The following TBC1D12 variants were observed in gnomAD, a reference collection of about 807,000 sequenced individuals.
TBC1D12 encodes TBC1 domain family member 12.
Under a neutral mutation model 86.7 loss-of-function variants are expected in TBC1D12, and 56 were observed. The observed-to-expected ratio is 0.65, with a 90% CI of 0.52 to 0.81. The LOEUF (loss-of-function observed/expected upper bound fraction) is 0.81, where lower values mean the gene tolerates loss of function less well. TBC1D12 is among the 30% of genes least tolerant of loss of function. TBC1D12 has a pLI of 0.00. For missense variants in TBC1D12, 1,023 were observed against 1,038.8 expected, an observed-to-expected ratio of 0.98 and a Z score of 0.21; for synonymous variants, 421 against 411.7, an observed-to-expected ratio of 1.02 and a Z score of -0.27.
intron 3 of TBC1D12, among the ~76,000 whole-genome samples, chr10:94,481,829 G>A (rs936463635): frequency 6.6e-6 from 1 of 151,554 alleles, no homozygotes; most frequent in Non-Finnish European, 1.5e-5. Context: ...GTGTGGGTAC[G>A]TAGTAGATAA....
rs2056507419 is a variant in TBC1D12 at position 94,510,039 on chromosome 10, G to A, written c.1601-52G>A. 4.7e-6 allele frequency: 6 copies of A among 1,289,600 alleles called. No homozygotes were observed. The South Asian group carries it at 5.1e-5, about 11-fold the overall frequency. 79.9% of individuals were successfully genotyped at this position (1,289,600 alleles called of 1,614,324 possible). Reference sequence around the variant, plus strand: ...TGATCATTCTGTATTTATAAAATTGGACTTGTTAGAGCCAAGTGATCATTT... The same window carrying A: ...TGATCATTCTGTATTTATAAAATTGAACTTGTTAGAGCCAAGTGATCATTT... On this transcript the variant is annotated intron_variant, in intron 7 of 12. Transcript: ENST00000225235.
intron 3 of TBC1D12, among the ~76,000 whole-genome samples, chr10:94,477,676 GC>G (rs1195157866): frequency 3.9e-5 from 6 of 152,248 alleles, no homozygotes; most frequent in African/African-American, 1.2e-4. Context: ...GATTCAAGAG[GC>G]CTGTTCTGCT....
At chr10:94,493,309 A>T in intron 3 of TBC1D12, 56 bp from the exon 4 acceptor site, 1 of 1,339,020 alleles carries the variant, frequency 7.5e-7, no homozygotes, top group Non-Finnish European at 1.1e-6. Flanking sequence ...ATAAGTTAGT[A>T]AGTTGAAAGT....
chr10:94,496,841 GA>G (rs1285786220), intron 4 of TBC1D12, among the ~76,000 whole-genome samples: 4 of 152,144 alleles, frequency 2.6e-5, no homozygotes, highest in Non-Finnish European at 5.9e-5. Flanking sequence ...TAAAAAAAGA[GA>G]AAACAAAGAA....
chr10:94,421,745 C>G (rs539237653), intron 1 of TBC1D12, among the ~76,000 whole-genome samples: 1 of 152,196 alleles, frequency 6.6e-6, no homozygotes, highest in Non-Finnish European at 1.5e-5. Flanking sequence ...AATAGTATTT[C>G]TTTGTGATTT....
Position 94,493,462 on chromosome 10 carries a change from TC to T in TBC1D12, c.1294+17del, listed in dbSNP as rs2056273423. ...TAAAAAACGAGGTATAAAATTTAAC[TC>T]CAAATGGTATAATTTTCTGATTTTA... is the stretch of plus-strand genomic sequence containing the variant. On this transcript the variant is annotated intron_variant, in intron 4 of 12. Coordinates refer to ENST00000225235, the MANE Select transcript of TBC1D12 (RefSeq NM_015188.2). 2.5e-6 allele frequency: 4 copies of T among 1,570,796 alleles called. No individual in the cohort carries two copies. In the South Asian group the frequency reaches 4.6e-5, roughly 18 times the overall value.
chr10:94,501,958 GT>G (rs774074522), intron 6 of TBC1D12, among the ~76,000 whole-genome samples: 1 of 151,930 alleles, frequency 6.6e-6, no homozygotes, highest in Non-Finnish European at 1.5e-5. Context: ...GAGCCCAGGA[GT>G]TTAAGGTTAC....
chr10:94,487,909 C>G (rs912485350), intron 3 of TBC1D12, among the ~76,000 whole-genome samples: 1 of 151,594 alleles, frequency 6.6e-6, no homozygotes, highest in African/African-American at 2.4e-5. Context: ...GCTGTGTTGC[C>G]CAGGCTGATC....
At chr10:94,423,393 G>A (rs944050292) in intron 1 of TBC1D12, among the ~76,000 whole-genome samples, 6 of 145,314 alleles carry the variant, frequency 4.1e-5, no homozygotes, top group African/African-American at 1.5e-4. Context: ...TGTTGCCCAG[G>A]CTGGAGTGCA....
At chr10:94,427,089 C>T (rs1003508005) in intron 1 of TBC1D12, among the ~76,000 whole-genome samples, 1 of 152,168 alleles carries the variant, frequency 6.6e-6, no homozygotes, top group Admixed American at 6.5e-5. Context: ...GTATTTTACT[C>T]TTACTGTAAA....
intron 1 of TBC1D12, among the ~76,000 whole-genome samples, chr10:94,432,064 C>A (rs2055223684): frequency 6.6e-6 from 1 of 151,898 alleles, no homozygotes; most frequent in African/African-American, 2.4e-5. Flanking sequence ...TGCTAAGAAG[C>A]CTTTAGTGTT....
At chr10:94,458,576 T>C (rs994928772) in intron 2 of TBC1D12, among the ~76,000 whole-genome samples, 3 of 152,294 alleles carry the variant, frequency 2.0e-5, no homozygotes, top group Non-Finnish European at 4.4e-5. Flanking sequence ...AGTTCAAGAA[T>C]GAAGCCACGG....
intron 9 of TBC1D12, among the ~76,000 whole-genome samples, chr10:94,518,935 C>T (rs1363258296): frequency 2.6e-5 from 4 of 151,984 alleles, no homozygotes; most frequent in Admixed American, 1.3e-4. Flanking sequence ...ATTAGCCAGG[C>T]GTGGTGGCAG....
At chr10:94,440,408 C>G (rs889227332) in intron 1 of TBC1D12, among the ~76,000 whole-genome samples, 28 of 152,126 alleles carry the variant, frequency 1.8e-4, no homozygotes, top group African/African-American at 6.8e-4. Context: ...AACTCCTGGG[C>G]TCAAGTGATC....
intron 9 of TBC1D12, among the ~76,000 whole-genome samples, chr10:94,516,354 A>C (rs2056591192): frequency 6.6e-6 from 1 of 152,194 alleles, no homozygotes; most frequent in African/African-American, 2.4e-5. Flanking sequence ...AAACTACATA[A>C]ATGAAAAAAA....
intron 2 of TBC1D12, among the ~76,000 whole-genome samples, chr10:94,453,536 C>T (rs929813188): frequency 1.3e-5 from 2 of 152,030 alleles, no homozygotes; most frequent in Non-Finnish European, 2.9e-5. Context: ...AAAACATTAT[C>T]ATATGTGTAG....
chr10:94,408,495 A>C (rs2054886322), intron 1 of TBC1D12, among the ~76,000 whole-genome samples: 1 of 152,110 alleles, frequency 6.6e-6, no homozygotes, highest in African/African-American at 2.4e-5. Context: ...AAACCAATGA[A>C]GTTTTTTTGT....
At chr10:94,524,011 G>A (rs915614767) in intron 11 of TBC1D12, among the ~76,000 whole-genome samples, 2 of 152,040 alleles carry the variant, frequency 1.3e-5, no homozygotes, top group African/African-American at 2.4e-5. Flanking sequence ...ACTGCAGACA[G>A]GATCACCATT....
At chr10:94,505,200 C>A (rs1449789450) in intron 6 of TBC1D12, among the ~76,000 whole-genome samples, 2 of 151,932 alleles carry the variant, frequency 1.3e-5, no homozygotes, top group African/African-American at 2.4e-5. Flanking sequence ...AATTTTATAC[C>A]TAATAACCCC....
Sources: allele counts gnomAD v4.1 joint callset (sites outside exome capture counted in the v4.1 genomes callset), GRCh38; gene constraint gnomAD v4.1.1; transcripts MANE v1.5; gene names NCBI Gene and HGNC (gene_info 2026-07-23, HGNC 2026-07-21).